The following ZNF337 variants were observed in gnomAD, a reference collection of about 807,000 sequenced individuals.
ZNF337 encodes the protein zinc finger protein 337.
Under a neutral mutation model 12.1 loss-of-function variants are expected in ZNF337, and 8 were observed. The ratio of observed to expected loss-of-function variants is 0.66; its 90% CI spans 0.39 to 1.19. The LOEUF (loss-of-function observed/expected upper bound fraction) is 1.19. Ranked by LOEUF, ZNF337 falls within the 50% of genes most tolerant of loss-of-function variation. ZNF337 has a pLI of 0.01. For synonymous variants in ZNF337, 336 were observed against 320.0 expected, an observed-to-expected ratio of 1.05 and a Z score of -0.53; for missense variants, 882 against 896.6, an observed-to-expected ratio of 0.98 and a Z score of 0.21.
Position 25,676,852 on chromosome 20 carries a change from T to C in ZNF337, c.436A>G (p.Arg146Gly). 6.2e-7 allele frequency: 1 copy of C among 1,614,168 alleles called. No individual in the cohort carries two copies. The highest frequency in any genetic ancestry group is 2.2e-5 in the East Asian group (1 of 44,882). Residue 146 changes from arginine (R) to glycine (G), a missense_variant, in exon 5 of 5, where the codon AGG becomes GGG. Arg to Gly is a moderately radical substitution (Grantham distance 125). Coordinates refer to ENST00000252979, the MANE Select transcript of ZNF337 (RefSeq NM_015655.4). ...GACTCTATTTCCACTACACTGTTCC[T>C]CCTCCTTGAGCTTACTGCATGTCTT... ...PLRHAVSSRR[R>G]NSVVEIESSQ...
At chr20:25,685,765 G>A in intron 3 of ZNF337, 103 bp from the exon 4 acceptor site, 1 of 1,212,740 alleles carries the variant, frequency 8.2e-7, no homozygotes, top group Non-Finnish European at 1.2e-6. Flanking sequence ...ATCAGAGGGG[G>A]AAGGCTCAGG....
At chr20:25,696,624 G>A in intron 1 of ZNF337, 135 bp downstream of exon 1, 1 of 581,598 alleles carries the variant, frequency 1.7e-6, no homozygotes, top group East Asian at 1.4e-4. Flanking sequence ...CCCCTCCCCA[G>A]AACGCGGAGA....
At position 25,696,706 on chromosome 20, in the gene ZNF337, T is replaced by C. The variant is rs538531921; in HGVS notation, c.-50+53A>G. ...CGTCCCAGGCCTTCCCGGCCCTTCT[T>C]CCTGCGCCGGAAGGGCGCGCTGCAG... On this transcript the variant is annotated intron_variant, in intron 1 of 4. Transcript: ENST00000252979. The C allele has an allele frequency of 6.7e-4, 661 of 980,588 alleles. 12 individuals carry two copies. The South Asian group carries it at 0.028, about 41-fold the overall frequency. The allele number at this position is 980,588 out of a possible 1,614,324, so 60.7% of individuals were successfully genotyped here.
chr20:25,676,052 G>T lies in ZNF337; in HGVS notation c.1236C>A (p.Ser412Arg), dbSNP rs557218253. The T allele has an allele frequency of 5.1e-5, 83 of 1,613,618 alleles. No homozygotes were observed. Among genetic ancestry groups the T allele is most frequent in the Non-Finnish European group, 6.7e-5 (79 of 1,179,914 alleles). The part of the protein sequence containing the change: ...KPFVCKDCER[S>R]FSQKSTLVYH... ...AGACAAGAGTTGACTTTTGGCTAAA[G>T]CTTCGCTCACAATCCTTGCACACAA... The change falls in exon 5 of 5, where the codon AGC (serine) becomes AGA (arginine). Residue 412 changes from serine (S) to arginine (R), a missense_variant. By Grantham distance (110) the Ser-to-Arg change is moderately radical (BLOSUM62 -1). Transcript: ENST00000252979.
rs568989697 is a variant in ZNF337 at position 25,687,451 on chromosome 20, AAC to A, written c.-49-987_-49-986del. Among the ~76,000 whole-genome samples, 103 of 152,368 alleles carry A rather than the reference AAC, an allele frequency of 6.8e-4. 1 individual carries two copies. The East Asian group carries it at 0.017, about 25-fold the overall frequency. ...TTTTGACTAAAAAAATAAAATTAAAAACACAGACATATAGGGGTGAAAAGAAG... is the reference window on the plus strand; with the variant it reads ...TTTTGACTAAAAAAATAAAATTAAAAACAGACATATAGGGGTGAAAAGAAG... On this transcript the variant is annotated intron_variant, in intron 1 of 4. Coordinates refer to ENST00000252979, the MANE Select transcript of ZNF337 (RefSeq NM_015655.4).
At chr20:25,696,543 G>A (rs1284694366) in intron 1 of ZNF337, among the ~76,000 whole-genome samples, 1 of 152,236 alleles carries the variant, frequency 6.6e-6, no homozygotes, top group Non-Finnish European at 1.5e-5. Flanking sequence ...AGACTGAGTG[G>A]CGGCCCAGAC....
chr20:25,693,324 G>A lies in ZNF337; in HGVS notation c.-50+3435C>T, dbSNP rs112813940. ...ACTCCTGGCCTCAGGTAATCTGCCC[G>A]CCTTGGCCTCCCAAAGTGCTGGGAT... On this transcript the variant is annotated intron_variant, in intron 1 of 4. Transcript: ENST00000252979. Among the ~76,000 whole-genome samples the A allele has an allele frequency of 7.1e-3, 1,079 of 152,270 alleles. 5 individuals carry two copies. Among genetic ancestry groups the A allele is most frequent in the Middle Eastern group, 0.02 (6 of 294 alleles).
In ZNF337 at chr20:25,676,743, C is replaced by T. The variant is rs948655313; in HGVS notation, c.545G>A (p.Cys182Tyr). Residue 182 changes from cysteine (C) to tyrosine (Y), a missense_variant, in exon 5 of 5, where the codon TGT becomes TAT. By Grantham distance (194) the Cys-to-Tyr change is radical. Transcript: ENST00000252979. ...GCTGAAGTCTTGCCCACGCTCTGCA[C>T]ACTTGAATGCTCCCCATCTTGAATT... is the stretch of plus-strand genomic sequence containing the variant. ...IENSRWGAFK[C>Y]AERGQDFSRK... 3.7e-6 allele frequency: 6 copies of T among 1,614,096 alleles called. No homozygotes were observed. Among genetic ancestry groups the T allele is most frequent in the African/African-American group, 2.7e-5 (2 of 74,924 alleles).
At chr20:25,692,825 A>G (rs2065892456) in intron 1 of ZNF337, among the ~76,000 whole-genome samples, 2 of 152,220 alleles carry the variant, frequency 1.3e-5, no homozygotes, top group African/African-American at 4.8e-5. Context: ...TCCTCCACGT[A>G]TATTTCATTA....
rs547544736 is a variant in ZNF337, at chr20:25,678,678, G to T, written c.251-1641C>A. Among the ~76,000 whole-genome samples, 3 of 152,234 alleles carry T rather than the reference G, an allele frequency of 2.0e-5. No individual in the cohort carries two copies. The East Asian group carries it at 5.8e-4, about 29-fold the overall frequency. On this transcript the variant is annotated intron_variant, in intron 4 of 4. Transcript: ENST00000252979. ...AAATAGACACTGGCCAGGCACAGTG[G>T]CTCACACCTGTAATCCCAGTGCTCT...
Position 25,674,763 on chromosome 20 carries a change from A to G in ZNF337, c.*269T>C. On this transcript the variant is annotated 3_prime_UTR_variant, in exon 5 of 5. Coordinates refer to ENST00000252979, the MANE Select transcript of ZNF337 (RefSeq NM_015655.4). ...ACAGCCTGGCACAAATACAACAAGA[A>G]TATGTGCTCAGTAGGAAAGAGACCA... 1 of 490,380 alleles carries G rather than the reference A, an allele frequency of 2.0e-6. No individual in the cohort carries two copies. The highest frequency in any genetic ancestry group is 2.7e-5 in the South Asian group (1 of 36,910). 30.4% of individuals were successfully genotyped at this position (490,380 alleles called of 1,614,324 possible).
In ZNF337 at chr20:25,676,315, A is replaced by T; in HGVS notation, c.973T>A (p.Cys325Ser). ...GACTTATTAGTATAGCCTCGCCCAC[A>T]CTCCTTGCACACAAAAGGCTTCTCC... ...SGEKPFVCKE[C>S]GRGYTNKSYF... The change falls in exon 5 of 5, where the codon TGT becomes AGT. Residue 325 changes from cysteine (C) to serine (S), a missense_variant. Physicochemically the swap from Cys to Ser is moderately radical, Grantham distance 112 (BLOSUM62 -1). Transcript: ENST00000252979. The T allele has an allele frequency of 6.2e-7, 1 of 1,613,834 alleles. No homozygotes were observed. The highest frequency in any genetic ancestry group is 1.3e-5 in the African/African-American group (1 of 74,920).
Position 25,675,298 on chromosome 20 carries a change from C to G in ZNF337, c.1990G>C (p.Gly664Arg), listed in dbSNP as rs6076383. The G allele has an allele frequency of 1.2e-6, 2 of 1,614,180 alleles. No individual in the cohort carries two copies. The highest frequency in any genetic ancestry group is 1.1e-5 in the South Asian group (1 of 91,082). ...GTGAGACTTCTCTTCCAGCTGAAGC[C>G]TTGCCCACACACATTACACACGAAG... is the stretch of plus-strand genomic sequence containing the variant. ...KPFVCNVCGQGFSWKRSLTRH... is the reference protein window; with the variant it reads ...KPFVCNVCGQRFSWKRSLTRH... Residue 664 changes from glycine (G) to arginine (R), a missense_variant, in exon 5 of 5, where the codon GGC (glycine) becomes CGC (arginine). Physicochemically the swap from Gly to Arg is moderately radical, Grantham distance 125 (BLOSUM62 -2). Coordinates refer to ENST00000252979, the MANE Select transcript of ZNF337 (RefSeq NM_015655.4).
rs371460420 is a variant in ZNF337 at position 25,691,952 on chromosome 20, T to C, written c.-50+4807A>G. On this transcript the variant is annotated intron_variant, in intron 1 of 4. Transcript: ENST00000252979. ...TAGGGCCAGGCAATTAGGTAAGTGG[T>C]GTGATCATTATTTGTCCTTATGGGT... Among the ~76,000 whole-genome samples the C allele has an allele frequency of 2.6e-5, 4 of 152,188 alleles. No individual in the cohort carries two copies. The South Asian group carries it at 8.3e-4, about 32-fold the overall frequency.
chr20:25,687,543 G>C (rs374595012), intron 1 of ZNF337, among the ~76,000 whole-genome samples: 3 of 152,218 alleles, frequency 2.0e-5, no homozygotes, highest in African/African-American at 7.2e-5. Flanking sequence ...ACATCCACTA[G>C]CCAGTAACTT....
rs1180919408 is a variant in ZNF337, at chr20:25,685,697, T to C, written c.155-35A>G. 3 of 1,588,318 alleles carry C rather than the reference T, an allele frequency of 1.9e-6. No homozygotes were observed. The African/African-American group carries it at 4.0e-5, about 21-fold the overall frequency. On this transcript the variant is annotated intron_variant, in intron 3 of 4. Coordinates refer to ENST00000252979, the MANE Select transcript of ZNF337 (RefSeq NM_015655.4). ...GGGAAAAAAACCATGAGGTGACTCC[T>C]GGTTGTAGGCTCCACGGGCCATTTG...
chr20:25,681,838 T>C (rs777296749), intron 4 of ZNF337, among the ~76,000 whole-genome samples: 3 of 152,244 alleles, frequency 2.0e-5, no homozygotes, highest in Admixed American at 6.5e-5. Flanking sequence ...CTTATTGATA[T>C]GCATGCTGAA....
chr20:25,675,591 T>C lies in ZNF337; in HGVS notation c.1697A>G (p.His566Arg). 6.2e-7 allele frequency: 1 copy of C among 1,613,838 alleles called. No individual in the cohort carries two copies. The highest frequency in any genetic ancestry group is 8.5e-7 in the Non-Finnish European group (1 of 1,179,968). Residue 566 changes from histidine to arginine, a missense_variant, in exon 5 of 5, where the codon CAC becomes CGC. Transcript: ENST00000252979. ...KANLLRHQWT[H>R]SGERPFNCKD... ...GCAATTAAATGGCCTTTCCCCCGAGTGTGTCCACTGATGTCTAAGAAGATT... is the reference window on the plus strand; with the variant it reads ...GCAATTAAATGGCCTTTCCCCCGAGCGTGTCCACTGATGTCTAAGAAGATT...
At chr20:25,686,524 CAGTT>C in intron 1 of ZNF337, 58 bp from the exon 2 acceptor site, 1 of 1,335,796 alleles carries the variant, frequency 7.5e-7, no homozygotes, top group Non-Finnish European at 1.0e-6. Context: ...CCATGTGTGA[CAGTT>C]GGTGTGATTC....
Sources: allele counts gnomAD v4.1 joint callset (sites outside exome capture counted in the v4.1 genomes callset), GRCh38; gene constraint gnomAD v4.1.1; transcripts MANE v1.5; gene names NCBI Gene and HGNC (gene_info 2026-07-23, HGNC 2026-07-21).